The following SGTB variants were observed in gnomAD, a reference collection of about 807,000 sequenced individuals.
SGTB encodes the protein small glutamine-rich tetratricopeptide repeat-containing protein beta.
SGTB carries 19 observed loss-of-function variants against 43.9 expected under a neutral mutation model. That is an observed-to-expected ratio of 0.43 (90% confidence interval 0.30 to 0.63). The LOEUF (loss-of-function observed/expected upper bound fraction) is 0.63. SGTB is among the 30% of genes least tolerant of loss of function. The probability of loss-of-function intolerance (pLI) is 0.12; values close to 1 mark genes in which losing one functional copy is unlikely to be tolerated. For synonymous variants in SGTB, 116 were observed against 117.3 expected, an observed-to-expected ratio of 0.99 and a Z score of 0.07; for missense variants, 304 against 358.9, an observed-to-expected ratio of 0.85 and a Z score of 1.24.
Position 65,701,806 on chromosome 5 carries a change from T to C in SGTB, c.374+2473A>G, listed in dbSNP as rs201004667. On this transcript the variant is annotated intron_variant, in intron 5 of 10. Coordinates refer to ENST00000381007, the MANE Select transcript of SGTB (RefSeq NM_019072.3). ...TGCCACCATGCCCGGCTAATTCCTTTGAATTTTTAGTAGAGACAGGGTTTC... is the reference window on the plus strand; with the variant it reads ...TGCCACCATGCCCGGCTAATTCCTTCGAATTTTTAGTAGAGACAGGGTTTC... 3.5e-4 allele frequency among the ~76,000 whole-genome samples: 53 copies of C among 152,192 alleles called. No homozygotes were observed. The East Asian group carries it at 7.0e-3, about 20-fold the overall frequency.
chr5:65,685,884 C>T (rs1163056325), intron 5 of SGTB, among the ~76,000 whole-genome samples: 2 of 152,152 alleles, frequency 1.3e-5, no homozygotes, highest in African/African-American at 2.4e-5. Flanking sequence ...TAGGGTTAAA[C>T]GACAAGTAAA....
At chr5:65,689,779 G>T (rs154626) in intron 5 of SGTB, among the ~76,000 whole-genome samples, 1 of 151,914 alleles carries the variant, frequency 6.6e-6, no homozygotes, top group Non-Finnish European at 1.5e-5. Flanking sequence ...ATAGAGAAAA[G>T]GTGGTTTTAG....
At chr5:65,718,389 A>G (rs1284893839) in intron 2 of SGTB, among the ~76,000 whole-genome samples, 8 of 152,346 alleles carry the variant, frequency 5.3e-5, no homozygotes, top group African/African-American at 1.7e-4. Flanking sequence ...AGTGTTTGAG[A>G]TCACTGGATG....
chr5:65,670,325 TG>T lies in SGTB; in HGVS notation c.835del (p.Gln279LysfsTer6). 1 of 1,614,196 alleles carries T rather than the reference TG, an allele frequency of 6.2e-7. No individual in the cohort carries two copies. Among genetic ancestry groups the T allele is most frequent in the Non-Finnish European group, 8.5e-7 (1 of 1,180,008 alleles). On this transcript the variant is annotated frameshift_variant, in exon 11 of 11. Coordinates refer to ENST00000381007, the MANE Select transcript of SGTB (RefSeq NM_019072.3). LOFTEE classifies it high-confidence loss of function. Reference protein sequence around the residue: ...GQQFAQQIQQQNPELIEQLRN... With the variant: ...GQQFAQQIQQXNPELIEQLRN... ...CAGTTGCTCTATAAGTTCAGGATTT[TG>T]TTGCTGTATCTGCTGAGCAAACTGC...
At chr5:65,719,858 A>G (rs1397004005) in intron 2 of SGTB, among the ~76,000 whole-genome samples, 1 of 152,150 alleles carries the variant, frequency 6.6e-6, no homozygotes, top group Non-Finnish European at 1.5e-5. Context: ...CAAGTTCCAA[A>G]TTAGGCACTG....
chr5:65,689,108 C>A lies in SGTB; in HGVS notation c.375-3636G>T, dbSNP rs548400632. Among the ~76,000 whole-genome samples, 160 of 152,304 alleles carry A rather than the reference C, an allele frequency of 1.1e-3. 1 individual carries two copies. The highest frequency in any genetic ancestry group is 3.5e-3 in the African/African-American group (147 of 41,572). ...TACAGGCGTGAGCCACCATGCCTGG[C>A]CTTTTAATTGTATTTCTTTGTTTAG... On this transcript the variant is annotated intron_variant, in intron 5 of 10. Transcript: ENST00000381007.
intron 6 of SGTB, among the ~76,000 whole-genome samples, chr5:65,682,574 G>A (rs1243443107): frequency 6.6e-6 from 1 of 152,214 alleles, no homozygotes; most frequent in Non-Finnish European, 1.5e-5. Flanking sequence ...AGGACTTGAT[G>A]ACAGAGTATC....
intron 6 of SGTB, among the ~76,000 whole-genome samples, chr5:65,682,560 T>C (rs1757417120): frequency 6.6e-6 from 1 of 152,160 alleles, no homozygotes; most frequent in African/African-American, 2.4e-5. Flanking sequence ...AAACTAGAAT[T>C]GACAGGACTT....
chr5:65,720,628 G>A, intron 2 of SGTB, 80 bp downstream of exon 2: 1 of 1,506,622 alleles, frequency 6.6e-7, no homozygotes, highest in Non-Finnish European at 8.9e-7. Flanking sequence ...TGTTACAATA[G>A]ATCATCAAGT....
Position 65,670,353 on chromosome 5 carries a change from G to A in SGTB, c.808C>T (p.Gln270Ter). Reference protein sequence around the residue: ...TDLSSLIQAGQQFAQQIQQQN... With the variant: ...TDLSSLIQAG ...TGCTGTATCTGCTGAGCAAACTGCT[G>A]TCCCCTGTAGTAAAGAGGCAATGTG... The change falls in exon 11 of 11, where the codon CAG becomes TAG. Residue 270 changes from glutamine to a stop codon, truncating the protein, a stop_gained. Coordinates refer to ENST00000381007, the MANE Select transcript of SGTB (RefSeq NM_019072.3). LOFTEE classifies it high-confidence loss of function. 6.2e-7 allele frequency: 1 copy of A among 1,613,542 alleles called. No individual in the cohort carries two copies. Among genetic ancestry groups the A allele is most frequent in the Non-Finnish European group, 8.5e-7 (1 of 1,179,550 alleles).
At chr5:65,683,945 C>CA (rs1387434772) in intron 6 of SGTB, among the ~76,000 whole-genome samples, 210 of 80,362 alleles carry the variant, frequency 2.6e-3, no homozygotes, top group African/African-American at 5.1e-3. Flanking sequence ...GACTCTGTCT[C>CA]AAAAAAAAAA....
Position 65,670,280 on chromosome 5 carries a change from C to G in SGTB, c.881G>C (p.Arg294Thr). ...CTCTTCAGCGCTGCTGCTGAATGAT[C>G]TGCTCCGGATGTGATTTCTCAGTTG... ...IEQLRNHIRS[R>T]SFSSSAEEHS is the part of the protein sequence containing the mutation. Residue 294 changes from arginine to threonine, a missense_variant, in exon 11 of 11, where the codon AGA becomes ACA. Physicochemically the swap from Arg to Thr is moderately conservative, Grantham distance 71. Transcript: ENST00000381007. 1 of 1,614,162 alleles carries G rather than the reference C, an allele frequency of 6.2e-7. No individual in the cohort carries two copies. Among genetic ancestry groups the G allele is most frequent in the Non-Finnish European group, 8.5e-7 (1 of 1,180,010 alleles).
chr5:65,692,598 G>A (rs463911), intron 5 of SGTB, among the ~76,000 whole-genome samples: 96,592 of 151,960 alleles, frequency 0.64, 31,040 homozygotes, highest in African/African-American at 0.68. Flanking sequence ...TGTCTATCTC[G>A]TGAAAAACAA....
intron 5 of SGTB, among the ~76,000 whole-genome samples, chr5:65,693,444 G>C (rs532004648): frequency 8.6e-4 from 130 of 151,954 alleles, no homozygotes; most frequent in African/African-American, 2.5e-3. Flanking sequence ...GGAAGGAAAA[G>C]AGGAAGTAAA....
At chr5:65,685,824 T>C (rs1757486428) in intron 5 of SGTB, among the ~76,000 whole-genome samples, 1 of 152,236 alleles carries the variant, frequency 6.6e-6, no homozygotes, top group African/African-American at 2.4e-5. Context: ...AAGAGTGAGT[T>C]ATTGCTGTGA....
At chr5:65,676,791 T>C (rs1479465112) in intron 8 of SGTB, among the ~76,000 whole-genome samples, 3 of 152,112 alleles carry the variant, frequency 2.0e-5, no homozygotes, top group Admixed American at 1.3e-4. Context: ...AGATACAACA[T>C]ACCAGAATCT....
intron 3 of SGTB, among the ~76,000 whole-genome samples, chr5:65,710,467 A>T (rs16894236): frequency 6.6e-6 from 1 of 152,242 alleles, no homozygotes; most frequent in East Asian, 1.9e-4. Flanking sequence ...ACCTATTCTA[A>T]ATAAAGGGAA....
rs1222371801 is a variant in SGTB, at chr5:65,704,484, C to A, written c.275-106G>T. ...GAAACTATAATTATATGAAAGTCGG[C>A]CTCATGATTTTTCAGTCACACTGGA... On this transcript the variant is annotated intron_variant, in intron 4 of 10. Transcript: ENST00000381007. 3 of 834,254 alleles carry A rather than the reference C, an allele frequency of 3.6e-6. 1 individual carries two copies. The highest frequency in any genetic ancestry group is 6.0e-5 in the South Asian group (2 of 33,478). 51.7% of individuals were successfully genotyped at this position (834,254 alleles called of 1,614,324 possible). A position where few individuals can be genotyped will look rare whatever the true frequency, so the allele number is the denominator to read the frequency against.
At chr5:65,679,653 C>T (rs1037194024) in intron 8 of SGTB, among the ~76,000 whole-genome samples, 1 of 151,816 alleles carries the variant, frequency 6.6e-6, no homozygotes, top group African/African-American at 2.4e-5. Context: ...ACAAAAAAAA[C>T]AAAAACCAAC....
Sources: allele counts gnomAD v4.1 joint callset (sites outside exome capture counted in the v4.1 genomes callset), GRCh38; gene constraint gnomAD v4.1.1; transcripts MANE v1.5; gene names NCBI Gene and HGNC (gene_info 2026-07-23, HGNC 2026-07-21).